PEAR1: variants seen among roughly 807,000 people sequenced by gnomAD.
The protein encoded by PEAR1 is platelet endothelial aggregation receptor 1, also known as multiple EGF-like domains protein 12.
In PEAR1, 113 loss-of-function variants were observed where a neutral mutation model predicts 131.2. The ratio of observed to expected loss-of-function variants is 0.86; its 90% confidence interval spans 0.74 to 1.01. PEAR1 has a LOEUF of 1.01. Among genes scored for constraint, PEAR1 ranks in the 50% least tolerant of loss-of-function variants. The pLI is 0.00. For missense variants in PEAR1, 1,408 were observed against 1,391.1 expected (o/e 1.01, Z -0.19); for synonymous variants, 565 against 523.3 (o/e 1.08, Z -1.09).
In PEAR1 at chr1:156,914,933, C is replaced by T; in HGVS notation, c.*135C>T. On this transcript the variant is annotated 3_prime_UTR_variant, in exon 23 of 23. Coordinates refer to ENST00000292357, the MANE Select transcript of PEAR1 (RefSeq NM_001080471.3). ...TGAACATGAACAACGCTTAACAGAG[C>T]AAGTGATGGGAGCCTTGTTCCTGGG... 1 of 952,982 alleles carries T rather than the reference C, an allele frequency of 1.0e-6. No homozygotes were observed. Among genetic ancestry groups the T allele is most frequent in the East Asian group, 2.9e-5 (1 of 33,908 alleles). The allele number at this position is 952,982 out of a possible 1,614,324, so 59.0% of individuals were successfully genotyped here.
chr1:156,909,919 G>A lies in PEAR1; in HGVS notation c.1575+5G>A. 6.2e-7 allele frequency: 1 copy of A among 1,611,232 alleles called. No individual in the cohort carries two copies. Among genetic ancestry groups the A allele is most frequent in the East Asian group, 2.2e-5 (1 of 44,872 alleles). ...CACTGCCAGCTGCCCTGTCCGGTGA[G>A]TGCTGGACAGCCTGTCTGCCTGGGG... On this transcript the variant is annotated splice_donor_5th_base_variant and intron_variant, in intron 12 of 22. Coordinates refer to ENST00000292357, the MANE Select transcript of PEAR1 (RefSeq NM_001080471.3).
intron 1 of PEAR1, among the ~76,000 whole-genome samples, chr1:156,903,566 G>T (rs926091320): frequency 2.0e-5 from 3 of 152,176 alleles, no homozygotes; most frequent in African/African-American, 7.2e-5. Context: ...TGGGGTGGGG[G>T]TGAATGATAC....
chr1:156,905,093 C>G, intron 3 of PEAR1: 1 of 1,285,356 alleles, frequency 7.8e-7, no homozygotes, highest in Non-Finnish European at 1.1e-6. Flanking sequence ...GGGGGGGGGG[C>G]AAGAAGGGAA....
intron 2 of PEAR1, among the ~76,000 whole-genome samples, chr1:156,904,453 A>G (rs972423504): frequency 3.9e-5 from 6 of 152,166 alleles, no homozygotes; most frequent in Admixed American, 2.6e-4. Flanking sequence ...GTCAGTTCTC[A>G]CTCACCCTTT....
At position 156,910,842 on chromosome 1, in the gene PEAR1, T is replaced by G. The variant is rs1415480700; in HGVS notation, c.1951+99T>G. The stretch of plus-strand genomic sequence containing the variant: ...CCCAGCTCCTGGGTATAAAAGCCTC[T>G]GGGCCCACCTTGAGTAAATATTTAC... On this transcript the variant is annotated intron_variant, in intron 15 of 22. Transcript: ENST00000292357. 26 of 1,520,380 alleles carry G rather than the reference T, an allele frequency of 1.7e-5. No homozygotes were observed. In the Admixed American group the frequency reaches 5.0e-4, roughly 29 times the overall value. 94.2% of individuals were successfully genotyped at this position (1,520,380 alleles called of 1,614,324 possible). A position where few individuals can be genotyped will look rare whatever the true frequency, so the allele number is the denominator to read the frequency against.
At position 156,915,136 on chromosome 1, in the gene PEAR1, C is replaced by CGT. The variant is rs1394826690; in HGVS notation, c.*347_*348dup. The CGT allele has an allele frequency of 4.4e-6, 1 of 228,102 alleles. No individual in the cohort carries two copies. The highest frequency in any genetic ancestry group is 2.3e-5 in the African/African-American group (1 of 43,836). 14.1% of individuals were successfully genotyped at this position (228,102 alleles called of 1,614,324 possible). ...GTGCATGCTCAGCCTGGGCTCTGTG[C>CGT]GTGTGTGTGTTTCTGTGATTTTAGA... On this transcript the variant is annotated 3_prime_UTR_variant, in exon 23 of 23. Transcript: ENST00000292357.
In PEAR1 at chr1:156,910,723, C is replaced by A; in HGVS notation, c.1931C>A (p.Thr644Lys). 1 of 1,614,090 alleles carries A rather than the reference C, an allele frequency of 6.2e-7. No homozygotes were observed. Among genetic ancestry groups the A allele is most frequent in the African/African-American group, 1.3e-5 (1 of 75,074 alleles). Residue 644 changes from threonine (T) to lysine (K), a missense_variant, in exon 15 of 23, where the codon ACA (threonine) becomes AAA (lysine). Physicochemically the swap from Thr to Lys is moderately conservative, Grantham distance 78. Coordinates refer to ENST00000292357, the MANE Select transcript of PEAR1 (RefSeq NM_001080471.3). Reference sequence around the variant, plus strand: ...ACCTGCTACTGCCTGGCTGGCTGGACAGGCCCCGACTGCTCCCAGCGTATG... The same window carrying A: ...ACCTGCTACTGCCTGGCTGGCTGGAAAGGCCCCGACTGCTCCCAGCGTATG... Reference protein sequence around the residue: ...NGTCYCLAGWTGPDCSQPCPP... With the variant: ...NGTCYCLAGWKGPDCSQPCPP...
intron 1 of PEAR1, among the ~76,000 whole-genome samples, chr1:156,899,032 C>T (rs1405120339): frequency 1.3e-5 from 2 of 152,282 alleles, no homozygotes; most frequent in Non-Finnish European, 1.5e-5. Flanking sequence ...CACACATCCA[C>T]GGAGCAGGCT....
At chr1:156,911,052 T>TCTTTCTTTC (rs1448356648) in intron 15 of PEAR1, among the ~76,000 whole-genome samples, 1 of 109,908 alleles carries the variant, frequency 9.1e-6, no homozygotes, top group Non-Finnish European at 1.6e-5. Context: ...TTTCTTTCTT[T>TCTTTCTTTC]CTTTCTTTCT....
chr1:156,914,003 C>A lies in PEAR1; in HGVS notation c.2865C>A (p.Pro955=), dbSNP rs1057327665. The A allele has an allele frequency of 1.2e-6, 2 of 1,612,942 alleles. No homozygotes were observed. The highest frequency in any genetic ancestry group is 2.2e-5 in the East Asian group (1 of 44,818). ...EMKGPPSGSP[P]RQPPQFWDSQ... ...AAGGCCCTCCCTCAGGATCTCCCCC[C>A]AGGCAGCCTCCTCAGTTCTGGGACA... is the stretch of plus-strand genomic sequence containing the variant. Residue 955 remains proline, a synonymous_variant, in exon 22 of 23, where the codon CCC becomes CCA. Coordinates refer to ENST00000292357, the MANE Select transcript of PEAR1 (RefSeq NM_001080471.3).
At position 156,914,749 on chromosome 1, in the gene PEAR1, C is replaced by G; in HGVS notation, c.3065C>G (p.Pro1022Arg). 1 of 1,614,048 alleles carries G rather than the reference C, an allele frequency of 6.2e-7. No homozygotes were observed. Among genetic ancestry groups the G allele is most frequent in the South Asian group, 1.1e-5 (1 of 91,070 alleles). Residue 1022 changes from proline (P) to arginine (R), a missense_variant, in exon 23 of 23, where the codon CCT becomes CGT. Physicochemically the swap from Pro to Arg is moderately radical, Grantham distance 103 (BLOSUM62 -2). Transcript: ENST00000292357. ...CACATCCCTGGACATTATGACTTGCCTCCAGTACGGCATCCCCCATCACCT... is the reference window on the plus strand; with the variant it reads ...CACATCCCTGGACATTATGACTTGCGTCCAGTACGGCATCCCCCATCACCT... ...NSHIPGHYDLPPVRHPPSPPL... is the reference protein window; with the variant it reads ...NSHIPGHYDLRPVRHPPSPPL...
chr1:156,914,647 A>G lies in PEAR1; in HGVS notation c.2963A>G (p.Asp988Gly). ...TCTTATCTTGTCCTCATGTTTCCAG[A>G]CCGAGACTCTGTGGGCTCCCAGCCC... ...TYEQPSPLIH[D>G]RDSVGSQPPL... is the part of the protein sequence containing the mutation. Residue 988 changes from aspartate (D) to glycine (G), a missense_variant and splice_region_variant, in exon 23 of 23, where the codon GAC becomes GGC. By Grantham distance (94) the Asp-to-Gly change is moderately conservative. Coordinates refer to ENST00000292357, the MANE Select transcript of PEAR1 (RefSeq NM_001080471.3). 6.2e-7 allele frequency: 1 copy of G among 1,610,786 alleles called. No homozygotes were observed. The highest frequency in any genetic ancestry group is 2.2e-5 in the East Asian group (1 of 44,798).
At chr1:156,907,368 G>A (rs1278384250) in intron 6 of PEAR1, among the ~76,000 whole-genome samples, 1 of 152,154 alleles carries the variant, frequency 6.6e-6, no homozygotes, top group Non-Finnish European at 1.5e-5. Context: ...GGAGGTGGGG[G>A]CGCCCGAGAG....
At chr1:156,896,641 C>A in intron 1 of PEAR1, among the ~76,000 whole-genome samples, 1 of 152,260 alleles carries the variant, frequency 6.6e-6, no homozygotes, top group East Asian at 1.9e-4. Context: ...GCCCTCCGTC[C>A]TACCCCCATG....
At chr1:156,911,037 TTTTCTTTCTTTCTTTCTTTC>T (rs71681254) in intron 15 of PEAR1, among the ~76,000 whole-genome samples, 13 of 113,274 alleles carry the variant, frequency 1.1e-4, no homozygotes, top group South Asian at 3.4e-4. Context: ...CTTGATTTCT[TTTTCTTTCTTTCTTTCTTTC>T]TTTCTTTCTT....
At chr1:156,898,444 C>T (rs1010553554) in intron 1 of PEAR1, among the ~76,000 whole-genome samples, 6 of 152,190 alleles carry the variant, frequency 3.9e-5, no homozygotes, top group African/African-American at 1.2e-4. Context: ...ACATGCCTGG[C>T]GTGCCGAGGG....
chr1:156,912,758 C>T lies in PEAR1; in HGVS notation c.2210-12C>T, dbSNP rs757134626. On this transcript the variant is annotated splice_polypyrimidine_tract_variant and intron_variant, in intron 17 of 22. Transcript: ENST00000292357. ...AAGATGCCATTCTGAGTGAGCACCCCATTCCACACAGGAATCCAGGAGCCC... is the reference window on the plus strand; with the variant it reads ...AAGATGCCATTCTGAGTGAGCACCCTATTCCACACAGGAATCCAGGAGCCC... 35 of 1,613,944 alleles carry T rather than the reference C, an allele frequency of 2.2e-5. No homozygotes were observed. The South Asian group carries it at 3.8e-4, about 18-fold the overall frequency.
chr1:156,911,140 T>TTC (rs1651105488), intron 15 of PEAR1, among the ~76,000 whole-genome samples: 2 of 143,762 alleles, frequency 1.4e-5, no homozygotes, highest in African/African-American at 5.5e-5. Flanking sequence ...CCTTTCTTTC[T>TTC]TTTCTTTCTT....
In PEAR1 at chr1:156,912,902, G is replaced by A; in HGVS notation, c.2342G>A (p.Trp781Ter). 1 of 1,614,238 alleles carries A rather than the reference G, an allele frequency of 6.2e-7. No homozygotes were observed. The change falls in exon 18 of 23, where the codon TGG (tryptophan) becomes TAG (stop). Residue 781 changes from tryptophan (W) to a stop codon, truncating the protein, a stop_gained. Coordinates refer to ENST00000292357, the MANE Select transcript of PEAR1 (RefSeq NM_001080471.3). LOFTEE classifies it high-confidence loss of function. ...LVALFIGYRH[W>*]QKGKEHHHLA... ...GCACTGTTCATTGGCTATCGGCACT[G>A]GCAAAAAGGCAAGGAGCACCACCAC... is the stretch of plus-strand genomic sequence containing the variant.
Sources: gnomAD v4.1 joint callset for allele counts (sites outside exome capture counted in the v4.1 genomes callset) on GRCh38, gnomAD v4.1.1 for gene constraint, MANE v1.5 for transcripts, NCBI Gene and HGNC (gene_info 2026-07-23, HGNC 2026-07-21) for gene names.